The following TMC1 variants were observed in gnomAD, a reference collection of about 807,000 sequenced individuals.
TMC1 encodes transmembrane channel like 1.
TMC1 carries 84 observed loss-of-function variants against 105.8 expected under a neutral mutation model. That is an observed-to-expected ratio of 0.79 (90% CI 0.67 to 0.95). The LOEUF (loss-of-function observed/expected upper bound fraction) is 0.95, where lower values mean the gene tolerates loss of function less well. Among genes scored for constraint, TMC1 ranks in the 40% least tolerant of loss-of-function variants. The pLI, the probability that TMC1 is intolerant of heterozygous loss-of-function variation, is 0.00. For synonymous variants in TMC1, 315 were observed against 311.5 expected, an observed-to-expected ratio of 1.01 and a Z score of -0.12; for missense variants, 817 against 914.1, an observed-to-expected ratio of 0.89 and a Z score of 1.37.
At chr9:72,624,686 C>T (rs1429067721) in intron 3 of TMC1, among the ~76,000 whole-genome samples, 3 of 152,206 alleles carry the variant, frequency 2.0e-5, no homozygotes, top group Non-Finnish European at 2.9e-5. Context: ...CAGGCCTGAG[C>T]TGTTTCCTCC....
intron 10 of TMC1, among the ~76,000 whole-genome samples, chr9:72,743,183 C>T (rs1318886052): frequency 3.3e-5 from 5 of 151,254 alleles, no homozygotes; most frequent in African/African-American, 1.2e-4. Flanking sequence ...CCGGCTAAAA[C>T]GGTGAAACCC....
At chr9:72,677,602 T>G (rs1428578563) in intron 5 of TMC1, among the ~76,000 whole-genome samples, 3 of 152,160 alleles carry the variant, frequency 2.0e-5, no homozygotes, top group Middle Eastern at 3.2e-3. Flanking sequence ...CATATATATT[T>G]ACTAAATGAC....
intron 9 of TMC1, chr9:72,741,110 C>CTTTTTTTTT (rs11361430): frequency 6.6e-6 from 1 of 151,104 alleles, no homozygotes; most frequent in Non-Finnish European, 1.4e-5. Context: ...TATGAGTAAT[C>CTTTTTTTTT]TTTTTTTTTT....
chr9:72,788,290 C>G, intron 13 of TMC1, 49 bp from the exon 14 acceptor site: 2 of 1,609,236 alleles, frequency 1.2e-6, no homozygotes, highest in Non-Finnish European at 1.7e-6. Flanking sequence ...TTGCTATTTC[C>G]CCTATCTCAT....
intron 2 of TMC1, among the ~76,000 whole-genome samples, chr9:72,601,669 C>A (rs1352873908): frequency 2.0e-5 from 3 of 151,732 alleles, no homozygotes; most frequent in Non-Finnish European, 4.4e-5. Flanking sequence ...AAAACAAAAC[C>A]AAAAAAACCA....
chr9:72,524,773 A>AAG (rs1403797565), intron 1 of TMC1, among the ~76,000 whole-genome samples: 1 of 152,220 alleles, frequency 6.6e-6, no homozygotes, highest in Non-Finnish European at 1.5e-5. Flanking sequence ...AAGAAGTGAG[A>AAG]AGAGAGAGAA....
chr9:72,720,422 G>A (rs1021395407), intron 8 of TMC1, among the ~76,000 whole-genome samples: 1 of 152,196 alleles, frequency 6.6e-6, no homozygotes, highest in African/African-American at 2.4e-5. Flanking sequence ...GCAATATCGT[G>A]AGATCATGGG....
intron 10 of TMC1, among the ~76,000 whole-genome samples, chr9:72,750,558 T>C (rs1827566811): frequency 6.6e-6 from 1 of 151,650 alleles, no homozygotes. Flanking sequence ...TTTTTCTCTC[T>C]CTCCCAATGA....
chr9:72,700,890 CA>C (rs1357446727), intron 8 of TMC1, among the ~76,000 whole-genome samples: 1 of 151,076 alleles, frequency 6.6e-6, no homozygotes, highest in Admixed American at 6.6e-5. Context: ...CATATATACC[CA>C]AATATATGTA....
At chr9:72,663,776 T>A (rs1207832732) in intron 5 of TMC1, among the ~76,000 whole-genome samples, 1 of 124,830 alleles carries the variant, frequency 8.0e-6, no homozygotes, top group African/African-American at 3.5e-5. Context: ...AAGTTTTTAA[T>A]TTTTTTGAAC....
intron 11 of TMC1, 64 bp downstream of exon 11, chr9:72,752,020 C>G (rs1827588393): frequency 2.8e-6 from 3 of 1,055,430 alleles, no homozygotes; most frequent in Non-Finnish European, 3.0e-6. Flanking sequence ...AAGTATTTAT[C>G]TCTTCTTTAA....
intron 5 of TMC1, among the ~76,000 whole-genome samples, chr9:72,685,442 C>T: frequency 6.6e-6 from 1 of 150,906 alleles, no homozygotes. Context: ...CGGCTCACTG[C>T]AACCTCTGCC....
rs1291938372 is a variant in TMC1, at chr9:72,830,617, T to G, written c.2209-14T>G. On this transcript the variant is annotated splice_polypyrimidine_tract_variant and intron_variant, in intron 22 of 23. Coordinates refer to ENST00000297784, the MANE Select transcript of TMC1 (RefSeq NM_138691.3). The stretch of plus-strand genomic sequence containing the variant: ...GAGAAATCTACTTTTTTCCCCTTAT[T>G]TTTTATTGTGTAGCAAGCTTTGGAG... 1.9e-6 allele frequency: 3 copies of G among 1,613,390 alleles called. No homozygotes were observed. Among genetic ancestry groups the G allele is most frequent in the African/African-American group, 2.7e-5 (2 of 74,906 alleles).
chr9:72,790,856 G>A (rs1828254794), intron 15 of TMC1, among the ~76,000 whole-genome samples: 1 of 151,876 alleles, frequency 6.6e-6, no homozygotes, highest in Admixed American at 6.6e-5. Context: ...GGATCCTGTT[G>A]GTCATACTTA....
At chr9:72,621,301 G>A (rs116336846) in intron 3 of TMC1, among the ~76,000 whole-genome samples, 6,544 of 152,082 alleles carry the variant, frequency 0.043, 290 homozygotes, top group Middle Eastern at 0.11. Flanking sequence ...ATGCTCTCAG[G>A]GGATCAAGCT....
intron 4 of TMC1, among the ~76,000 whole-genome samples, chr9:72,640,640 T>TTTTTTG (rs1825611785): frequency 2.5e-5 from 2 of 79,080 alleles, no homozygotes; most frequent in South Asian, 2.8e-4. Flanking sequence ...TTGTTTTTTG[T>TTTTTTG]TTTTTTTTTT....
rs529461534 is a variant in TMC1 at position 72,689,092 on chromosome 9, C to A, written c.64+336C>A. Among the ~76,000 whole-genome samples, 18 of 152,154 alleles carry A rather than the reference C, an allele frequency of 1.2e-4. No individual in the cohort carries two copies. The East Asian group carries it at 3.3e-3, about 28-fold the overall frequency. On this transcript the variant is annotated intron_variant, in intron 6 of 23. Coordinates refer to ENST00000297784, the MANE Select transcript of TMC1 (RefSeq NM_138691.3). ...AGACCCAAAGATAGAGAAAATTGTC[C>A]ATTTTTATGCTTAGGTTCAACAAAG...
intron 13 of TMC1, among the ~76,000 whole-genome samples, chr9:72,783,138 A>G (rs901355877): frequency 2.6e-5 from 4 of 152,308 alleles, no homozygotes; most frequent in African/African-American, 9.6e-5. Context: ...CTCTAGAGAG[A>G]CAGAACTAAT....
At chr9:72,653,158 T>A (rs1428169470) in intron 5 of TMC1, among the ~76,000 whole-genome samples, 1 of 152,224 alleles carries the variant, frequency 6.6e-6, no homozygotes, top group Non-Finnish European at 1.5e-5. Context: ...TGTTTTGTTC[T>A]TTTTAAGTGC....
Sources: allele counts gnomAD v4.1 joint callset (sites outside exome capture counted in the v4.1 genomes callset), GRCh38; gene constraint gnomAD v4.1.1; transcripts MANE v1.5; gene names NCBI Gene and HGNC (gene_info 2026-07-23, HGNC 2026-07-21).